Variants in CAMTA1 observed in about 807,000 individuals in gnomAD.
CAMTA1 encodes the protein calmodulin binding transcription activator 1, also known as calmodulin-binding transcription activator 1.
In CAMTA1, 27 loss-of-function variants were observed where a neutral mutation model predicts 170.9. The ratio of observed to expected loss-of-function variants is 0.16; its 90% confidence interval spans 0.12 to 0.22. The LOEUF is 0.22. Among genes scored for constraint, CAMTA1 ranks in the 10% least tolerant of loss-of-function variants. The pLI is 1.00. For missense variants in CAMTA1, 1,619 were observed against 2,217.2 expected, an observed-to-expected ratio of 0.73 and a Z score of 5.42; for synonymous variants, 833 against 891.5, an observed-to-expected ratio of 0.93 and a Z score of 1.17.
At chr1:7,025,804 A>T (rs1380508079) in intron 3 of CAMTA1, among the ~76,000 whole-genome samples, 1 of 152,156 alleles carries the variant, frequency 6.6e-6, no homozygotes, top group East Asian at 1.9e-4. Flanking sequence ...GTCTGAGCTA[A>T]ATCTAAGGAG....
At chr1:7,376,100 G>T (rs1243477355) in intron 5 of CAMTA1, among the ~76,000 whole-genome samples, 1 of 152,224 alleles carries the variant, frequency 6.6e-6, no homozygotes, top group Non-Finnish European at 1.5e-5. Context: ...GGTCACCTAA[G>T]GGCTCCCTTG....
At chr1:6,852,215 T>C (rs1476072198) in intron 3 of CAMTA1, among the ~76,000 whole-genome samples, 1 of 152,106 alleles carries the variant, frequency 6.6e-6, no homozygotes, top group Non-Finnish European at 1.5e-5. Flanking sequence ...AATTATCACT[T>C]CTTTAGATCA....
intron 4 of CAMTA1, among the ~76,000 whole-genome samples, chr1:7,097,651 A>T (rs918346832): frequency 6.6e-6 from 1 of 152,188 alleles, no homozygotes; most frequent in African/African-American, 2.4e-5. Flanking sequence ...AATTGCAAAA[A>T]CCATTTAAAA....
At chr1:7,353,687 G>C (rs2084876241) in intron 5 of CAMTA1, among the ~76,000 whole-genome samples, 1 of 152,126 alleles carries the variant, frequency 6.6e-6, no homozygotes, top group African/African-American at 2.4e-5. Context: ...GCCTGCTAAA[G>C]TGCTGGGATT....
intron 4 of CAMTA1, among the ~76,000 whole-genome samples, chr1:7,095,758 G>A (rs1642007133): frequency 6.6e-6 from 1 of 152,258 alleles, no homozygotes; most frequent in Non-Finnish European, 1.5e-5. Flanking sequence ...CTGAATTGGA[G>A]TTAGCCCCCC....
At chr1:7,371,259 G>A (rs1427932786) in intron 5 of CAMTA1, among the ~76,000 whole-genome samples, 1 of 55,474 alleles carries the variant, frequency 1.8e-5, no homozygotes, top group Non-Finnish European at 4.5e-5. Flanking sequence ...TTGTTTGTTT[G>A]TTTGTTTGTT....
intron 6 of CAMTA1, among the ~76,000 whole-genome samples, chr1:7,546,107 C>T (rs1017084605): frequency 2.0e-5 from 3 of 152,152 alleles, no homozygotes; most frequent in African/African-American, 7.2e-5. Context: ...AGGCACCTGC[C>T]ACCACGCCTG....
rs1033260461 is a variant in CAMTA1 at position 6,971,299 on chromosome 1, T to C, written c.235-120005T>C. Among the ~76,000 whole-genome samples, 3 of 152,208 alleles carry C rather than the reference T, an allele frequency of 2.0e-5. No homozygotes were observed. The highest frequency in any genetic ancestry group is 4.8e-5 in the African/African-American group (2 of 41,438). On this transcript the variant is annotated intron_variant, in intron 3 of 22. Transcript: ENST00000303635. The surrounding 1 kb of genome is among the most constrained non-coding windows in gnomAD (Gnocchi z 4.6). ...TAGCAACGCCTCTTTTGCTGGAGTG[T>C]TGAACTTTCTTCTTTGTGGCAGCAC...
At chr1:6,892,145 AG>A (rs1674637410) in intron 3 of CAMTA1, among the ~76,000 whole-genome samples, 1 of 152,236 alleles carries the variant, frequency 6.6e-6, no homozygotes, top group Non-Finnish European at 1.5e-5. Flanking sequence ...CATTCTTTAA[AG>A]TCTAGTAGAC....
intron 4 of CAMTA1, among the ~76,000 whole-genome samples, chr1:7,149,569 G>T (rs1459761466): frequency 6.6e-6 from 1 of 152,218 alleles, no homozygotes. Context: ...ACCTCCTGGG[G>T]CTGCTGGGGG....
intron 19 of CAMTA1, among the ~76,000 whole-genome samples, 154 bp downstream of exon 19, chr1:7,747,935 C>T (rs1196250769): frequency 6.8e-6 from 1 of 147,782 alleles, no homozygotes; most frequent in Admixed American, 6.8e-5. Flanking sequence ...TTTTTTGAAA[C>T]GGAGTCTGGC....
intron 11 of CAMTA1, chr1:7,693,721 T>A (rs1214398726): frequency 6.6e-6 from 1 of 152,252 alleles, no homozygotes; most frequent in African/African-American, 2.4e-5. Context: ...TTTCCTGGCA[T>A]TGATGTGTGA....
chr1:7,356,321 G>A (rs149365270), intron 5 of CAMTA1, among the ~76,000 whole-genome samples: 13 of 152,352 alleles, frequency 8.5e-5, no homozygotes, highest in African/African-American at 3.1e-4. Context: ...TGGCCGACAG[G>A]CTGGGATGCT....
chr1:7,196,534 C>T lies in CAMTA1; in HGVS notation c.303-52957C>T, dbSNP rs74051177. On this transcript the variant is annotated intron_variant, in intron 4 of 22. Transcript: ENST00000303635. ...CGTGGCTGGAGGAAATCACTCTAAA[C>T]GGGCTTCAGTGCACTAACAGATTTT... Among the ~76,000 whole-genome samples, 338 of 152,270 alleles carry T rather than the reference C, an allele frequency of 2.2e-3. 2 individuals carry two copies. The highest frequency in any genetic ancestry group is 7.9e-3 in the African/African-American group (330 of 41,562).
chr1:6,914,148 A>G (rs1571659197), intron 3 of CAMTA1, among the ~76,000 whole-genome samples: 1 of 117,396 alleles, frequency 8.5e-6, no homozygotes, highest in Non-Finnish European at 1.7e-5. Context: ...CTTTTTGCCC[A>G]GGCTGGAGTG....
intron 5 of CAMTA1, among the ~76,000 whole-genome samples, chr1:7,419,178 C>T (rs569094723): frequency 1.1e-3 from 149 of 134,968 alleles, no homozygotes; most frequent in African/African-American, 3.9e-3. Flanking sequence ...TTATTTGAGA[C>T]GAAGTTTTGC....
chr1:6,997,127 T>G (rs1697383594), intron 3 of CAMTA1, among the ~76,000 whole-genome samples: 1 of 152,226 alleles, frequency 6.6e-6, no homozygotes, highest in Non-Finnish European at 1.5e-5. Context: ...GCTTCCCTTG[T>G]GGCTCAGTGC....
At chr1:6,824,106 G>A (rs1323372131) in intron 2 of CAMTA1, among the ~76,000 whole-genome samples, 1 of 152,092 alleles carries the variant, frequency 6.6e-6, no homozygotes, top group Non-Finnish European at 1.5e-5. Context: ...GTGACTTACT[G>A]GAGCAAATTA....
chr1:6,857,983 T>G (rs1175841019), intron 3 of CAMTA1, among the ~76,000 whole-genome samples: 5 of 152,192 alleles, frequency 3.3e-5, no homozygotes, highest in African/African-American at 1.2e-4. Context: ...CACTGCTGCA[T>G]CTCCAGTTTA....
Sources: allele counts gnomAD v4.1 joint callset (sites outside exome capture counted in the v4.1 genomes callset), GRCh38; gene constraint gnomAD v4.1.1; non-coding constraint Gnocchi (gnomAD v3.1); transcripts MANE v1.5; gene names NCBI Gene and HGNC (gene_info 2026-07-23, HGNC 2026-07-21).